Variants in ITPR2 observed in about 807,000 individuals in gnomAD.
ITPR2 encodes the protein inositol 1,4,5-trisphosphate receptor type 2, also known as inositol 1,4,5-trisphosphate-gated calcium channel ITPR2.
In ITPR2, 207 loss-of-function variants were observed where a neutral mutation model predicts 317.1. The ratio of observed to expected loss-of-function variants is 0.65; its 90% confidence interval spans 0.58 to 0.73. The LOEUF (loss-of-function observed/expected upper bound fraction) is 0.73. Among genes scored for constraint, ITPR2 ranks in the 30% least tolerant of loss-of-function variants. The pLI is 0.00. For synonymous variants in ITPR2, 1,156 were observed against 1,149.1 expected, an observed-to-expected ratio of 1.01 and a Z score of -0.12; for missense variants, 2,613 against 3,284.0, an observed-to-expected ratio of 0.80 and a Z score of 4.99.
intron 37 of ITPR2, among the ~76,000 whole-genome samples, chr12:26,545,451 C>A (rs1039559456): frequency 6.6e-6 from 1 of 151,946 alleles, no homozygotes; most frequent in Non-Finnish European, 1.5e-5. Flanking sequence ...GATGGGGCCA[C>A]GAGCCAAGGA....
intron 34 of ITPR2, among the ~76,000 whole-genome samples, chr12:26,571,830 A>G (rs1476147419): frequency 5.3e-5 from 8 of 152,244 alleles, no homozygotes; most frequent in Non-Finnish European, 8.8e-5. Context: ...ACACTGACTT[A>G]GAGAGTGCTT....
At chr12:26,659,948 C>A (rs575703909) in intron 15 of ITPR2, among the ~76,000 whole-genome samples, 1 of 152,166 alleles carries the variant, frequency 6.6e-6, no homozygotes, top group African/African-American at 2.4e-5. Context: ...CCAAACAGGG[C>A]AATGTGATTA....
chr12:26,379,121 G>A (rs1017824698), intron 55 of ITPR2, among the ~76,000 whole-genome samples: 2 of 152,158 alleles, frequency 1.3e-5, no homozygotes, highest in African/African-American at 4.8e-5. Context: ...GGCACATTAT[G>A]GGCATGGCAT....
intron 13 of ITPR2, among the ~76,000 whole-genome samples, chr12:26,675,931 G>A (rs1947897607): frequency 1.3e-5 from 2 of 152,182 alleles, no homozygotes; most frequent in African/African-American, 2.4e-5. Context: ...GCAGAGGCGG[G>A]CAGATCACCT....
chr12:26,435,180 G>A (rs1391740979), intron 48 of ITPR2, among the ~76,000 whole-genome samples: 1 of 152,008 alleles, frequency 6.6e-6, no homozygotes, highest in Non-Finnish European at 1.5e-5. Flanking sequence ...AATGACCCTT[G>A]GACTCCCATT....
chr12:26,586,056 T>C (rs1311389854), intron 32 of ITPR2, among the ~76,000 whole-genome samples: 1 of 152,242 alleles, frequency 6.6e-6, no homozygotes, highest in African/African-American at 2.4e-5. Context: ...GTTAAGAGTT[T>C]TTCTTATAAA....
intron 49 of ITPR2, among the ~76,000 whole-genome samples, chr12:26,424,659 G>A (rs1379648157): frequency 1.1e-4 from 14 of 130,052 alleles, no homozygotes; most frequent in Non-Finnish European, 1.5e-4. Flanking sequence ...GCACGATCTC[G>A]GCTCACTGCA....
intron 21 of ITPR2, among the ~76,000 whole-genome samples, chr12:26,652,638 GC>G (rs1239420885): frequency 6.6e-6 from 1 of 152,134 alleles, no homozygotes; most frequent in African/African-American, 2.4e-5. Flanking sequence ...ATGTTACACA[GC>G]CCCCTCCAGG....
At chr12:26,739,681 G>T (rs1949197702) in intron 2 of ITPR2, among the ~76,000 whole-genome samples, 1 of 152,114 alleles carries the variant, frequency 6.6e-6, no homozygotes, top group Non-Finnish European at 1.5e-5. Context: ...GGACAAAAAA[G>T]AACTTTTTGA....
At chr12:26,348,899 C>T (rs532553468) in intron 55 of ITPR2, among the ~76,000 whole-genome samples, 3 of 151,986 alleles carry the variant, frequency 2.0e-5, no homozygotes, top group South Asian at 2.1e-4. Context: ...AAGACCTCAT[C>T]GCTACTAAAA....
At chr12:26,526,588 G>T (rs1943813816) in intron 37 of ITPR2, among the ~76,000 whole-genome samples, 1 of 152,178 alleles carries the variant, frequency 6.6e-6, no homozygotes, top group Non-Finnish European at 1.5e-5. Flanking sequence ...TTTAAAAAGA[G>T]AATGACATTA....
chr12:26,443,276 T>C (rs368986503), intron 46 of ITPR2, among the ~76,000 whole-genome samples: 12 of 152,262 alleles, frequency 7.9e-5, no homozygotes, highest in African/African-American at 2.9e-4. Context: ...TGCTCTGCAA[T>C]GATTGATTGC....
intron 39 of ITPR2, among the ~76,000 whole-genome samples, chr12:26,489,883 C>G (rs751721146): frequency 3.3e-5 from 5 of 152,098 alleles, no homozygotes; most frequent in Non-Finnish European, 7.4e-5. Context: ...TGTAAAACCC[C>G]CATGGAACTG....
intron 35 of ITPR2, among the ~76,000 whole-genome samples, chr12:26,559,020 G>T (rs548469260): frequency 6.6e-6 from 1 of 152,118 alleles, no homozygotes; most frequent in African/African-American, 2.4e-5. Context: ...CATCCACCAA[G>T]TTCTATTAGT....
intron 37 of ITPR2, among the ~76,000 whole-genome samples, chr12:26,508,377 A>G (rs886921880): frequency 2.6e-5 from 4 of 152,208 alleles, no homozygotes; most frequent in African/African-American, 9.6e-5. Context: ...GTCAAGTAAG[A>G]TGAAAACATA....
intron 48 of ITPR2, among the ~76,000 whole-genome samples, chr12:26,433,706 A>C (rs2136714282): frequency 6.6e-6 from 1 of 152,290 alleles, no homozygotes; most frequent in East Asian, 1.9e-4. Flanking sequence ...GAAATGAATA[A>C]GGCACAATAG....
chr12:26,733,154 A>C (rs961941460), intron 2 of ITPR2, among the ~76,000 whole-genome samples: 1 of 151,974 alleles, frequency 6.6e-6, no homozygotes, highest in African/African-American at 2.4e-5. Context: ...TCTCTACTAA[A>C]AATACAAAAA....
At chr12:26,594,894 T>G (rs1376567437) in intron 32 of ITPR2, among the ~76,000 whole-genome samples, 1 of 152,186 alleles carries the variant, frequency 6.6e-6, no homozygotes, top group Non-Finnish European at 1.5e-5. Flanking sequence ...CAGCTCCACA[T>G]GTCCTCCCCA....
chr12:26,576,191 T>G (rs1431736250), intron 34 of ITPR2, among the ~76,000 whole-genome samples: 1 of 152,212 alleles, frequency 6.6e-6, no homozygotes, highest in Non-Finnish European at 1.5e-5. Flanking sequence ...AAAATACATT[T>G]ACTGCTGTTT....
Sources: allele counts gnomAD v4.1 joint callset (sites outside exome capture counted in the v4.1 genomes callset), GRCh38; gene constraint gnomAD v4.1.1; transcripts MANE v1.5; gene names NCBI Gene and HGNC (gene_info 2026-07-23, HGNC 2026-07-21).